SLC27A2: variants seen among roughly 807,000 people sequenced by gnomAD.
SLC27A2 encodes the protein solute carrier family 27 member 2.
A neutral mutation model predicts 60.0 loss-of-function variants in SLC27A2; 54 were observed. That is an observed-to-expected ratio of 0.90 (90% CI 0.72 to 1.13). SLC27A2 has a LOEUF of 1.13. Among genes scored for constraint, SLC27A2 ranks in the 50% most tolerant of loss-of-function variants. SLC27A2 has a pLI of 0.00. For missense variants in SLC27A2, 739 were observed against 777.6 expected (o/e 0.95, Z 0.59); for synonymous variants, 297 against 297.6 (o/e 1.00, Z 0.02).
chr15:50,202,356 AAC>A, intron 2 of SLC27A2, 129 bp from the exon 3 acceptor site: 1 of 842,862 alleles, frequency 1.2e-6, no homozygotes, highest in Non-Finnish European at 1.9e-6. Flanking sequence ...CTCCTGGACT[AAC>A]TGGTCATGGC....
intron 3 of SLC27A2, among the ~76,000 whole-genome samples, chr15:50,204,817 T>C (rs913203453): frequency 2.7e-5 from 4 of 148,292 alleles, no homozygotes; most frequent in African/African-American, 9.9e-5. Flanking sequence ...TGTGTATATA[T>C]ATAATATATA....
intron 4 of SLC27A2, among the ~76,000 whole-genome samples, chr15:50,222,346 G>A (rs1172113810): frequency 6.6e-6 from 1 of 152,182 alleles, no homozygotes; most frequent in Admixed American, 6.5e-5. Flanking sequence ...GCAGGGCATG[G>A]TCAAGACTCT....
chr15:50,200,963 A>G (rs1399845250), intron 2 of SLC27A2, among the ~76,000 whole-genome samples: 2 of 152,190 alleles, frequency 1.3e-5, no homozygotes, highest in East Asian at 1.9e-4. Flanking sequence ...ATAACTGGCA[A>G]TGTGGAAGTT....
At chr15:50,218,427 C>T (rs1267422312) in intron 4 of SLC27A2, among the ~76,000 whole-genome samples, 1 of 151,966 alleles carries the variant, frequency 6.6e-6, no homozygotes, top group Admixed American at 6.5e-5. Flanking sequence ...TACAGGAAAA[C>T]ATCCGAGGGC....
chr15:50,228,156 T>C (rs974673901), intron 7 of SLC27A2, among the ~76,000 whole-genome samples: 12 of 152,184 alleles, frequency 7.9e-5, no homozygotes, highest in African/African-American at 2.6e-4. Context: ...GGCGGGTGGA[T>C]CACCTGAGGT....
chr15:50,182,795 G>T lies in SLC27A2; in HGVS notation c.368G>T (p.Gly123Val). 1 of 1,613,756 alleles carries T rather than the reference G, an allele frequency of 6.2e-7. No individual in the cohort carries two copies. Among genetic ancestry groups the T allele is most frequent in the Non-Finnish European group, 8.5e-7 (1 of 1,179,974 alleles). Reference sequence around the variant, plus strand: ...CCGGCCTACGTGTGGCTGTGGCTGGGGCTGGTGAAGCTGGGCTGTGCCATG... The same window carrying T: ...CCGGCCTACGTGTGGCTGTGGCTGGTGCTGGTGAAGCTGGGCTGTGCCATG... Reference protein sequence around the residue: ...NEPAYVWLWLGLVKLGCAMAC... With the variant: ...NEPAYVWLWLVLVKLGCAMAC... The change falls in exon 1 of 10, where the codon GGG becomes GTG. Residue 123 changes from glycine (G) to valine (V), a missense_variant. Coordinates refer to ENST00000267842, the MANE Select transcript of SLC27A2 (RefSeq NM_003645.4).
At position 50,182,901 on chromosome 15, in the gene SLC27A2, G is replaced by T. The variant is rs780748358; in HGVS notation, c.474G>T (p.Ser158=). The T allele has an allele frequency of 3.1e-6, 5 of 1,602,418 alleles. No homozygotes were observed. The highest frequency in any genetic ancestry group is 2.2e-5 in the East Asian group (1 of 44,804). The change falls in exon 1 of 10, where the codon TCG becomes TCT. Residue 158 remains serine, a synonymous_variant. Coordinates refer to ENST00000267842, the MANE Select transcript of SLC27A2 (RefSeq NM_003645.4). ...QCCGAKVLLV[S]PELQAAVEEI... Reference sequence around the variant, plus strand: ...GCGGGGCGAAGGTGCTGCTGGTGTCGCCAGGTGAGCCCCGAGGATCGCCCT... The same window carrying T: ...GCGGGGCGAAGGTGCTGCTGGTGTCTCCAGGTGAGCCCCGAGGATCGCCCT...
At chr15:50,222,422 C>G (rs1027889305) in intron 4 of SLC27A2, among the ~76,000 whole-genome samples, 1 of 152,222 alleles carries the variant, frequency 6.6e-6, no homozygotes, top group Non-Finnish European at 1.5e-5. Context: ...GGCTTTCTCT[C>G]TCTCTCTGTC....
At chr15:50,205,954 G>A (rs1055768603) in intron 4 of SLC27A2, among the ~76,000 whole-genome samples, 19 of 152,088 alleles carry the variant, frequency 1.2e-4, no homozygotes, top group Non-Finnish European at 2.9e-5. Context: ...CTGTCACCAA[G>A]CTGGGAACAG....
intron 4 of SLC27A2, among the ~76,000 whole-genome samples, chr15:50,211,177 CA>C (rs1267564402): frequency 6.6e-6 from 1 of 152,198 alleles, no homozygotes; most frequent in African/African-American, 2.4e-5. Flanking sequence ...AGGAGGCCAA[CA>C]GCACAAAACA....
At chr15:50,227,719 C>A (rs947699704) in intron 7 of SLC27A2, among the ~76,000 whole-genome samples, 1 of 152,294 alleles carries the variant, frequency 6.6e-6, no homozygotes, top group Admixed American at 6.5e-5. Flanking sequence ...GTCCTCCAGC[C>A]TCATGACACA....
At position 50,186,350 on chromosome 15, in the gene SLC27A2, C is replaced by T. The variant is rs150928814; in HGVS notation, c.478+3445C>T. Among the ~76,000 whole-genome samples, 3 of 152,166 alleles carry T rather than the reference C, an allele frequency of 2.0e-5. No individual in the cohort carries two copies. In the South Asian group the frequency reaches 6.2e-4, roughly 31 times the overall value. ...TTTTATAAGAAACCCCACCGCCAAC[C>T]CTAGGTGATTTTGAAACAAATGGTC... is the stretch of plus-strand genomic sequence containing the variant. On this transcript the variant is annotated intron_variant, in intron 1 of 9. Transcript: ENST00000267842.
intron 4 of SLC27A2, among the ~76,000 whole-genome samples, chr15:50,219,510 A>G (rs2045228429): frequency 6.7e-6 from 1 of 149,270 alleles, no homozygotes; most frequent in Admixed American, 6.7e-5. Flanking sequence ...ACGCCCTCTC[A>G]AGTGCAGGGC....
chr15:50,194,191 G>A (rs1046611125), intron 1 of SLC27A2, among the ~76,000 whole-genome samples: 1 of 152,046 alleles, frequency 6.6e-6, no homozygotes, highest in African/African-American at 2.4e-5. Flanking sequence ...GTGTATAAGC[G>A]CCCTGATAAT....
intron 2 of SLC27A2, 137 bp from the exon 3 acceptor site, chr15:50,202,350 T>C: frequency 2.5e-6 from 2 of 794,364 alleles, no homozygotes; most frequent in Non-Finnish European, 4.1e-6. Flanking sequence ...TGTCAACTCC[T>C]GGACTAACTG....
At chr15:50,206,944 G>C (rs1448669721) in intron 4 of SLC27A2, among the ~76,000 whole-genome samples, 1 of 152,144 alleles carries the variant, frequency 6.6e-6, no homozygotes, top group Admixed American at 6.5e-5. Flanking sequence ...TTGGGTTAGG[G>C]TATTTTCCAC....
chr15:50,198,048 C>T (rs1334329929), intron 2 of SLC27A2, among the ~76,000 whole-genome samples: 1 of 151,916 alleles, frequency 6.6e-6, no homozygotes, highest in African/African-American at 2.4e-5. Flanking sequence ...ATCCAGAGTC[C>T]ATATAGACTG....
chr15:50,188,531 C>T (rs929203511), intron 1 of SLC27A2, among the ~76,000 whole-genome samples: 5 of 152,194 alleles, frequency 3.3e-5, no homozygotes, highest in Admixed American at 6.5e-5. Context: ...ACACTCTTCC[C>T]AACTCTTTGG....
rs1173840667 is a variant in SLC27A2 at position 50,182,536 on chromosome 15, G to T, written c.109G>T (p.Ala37Ser). 9 of 1,612,510 alleles carry T rather than the reference G, an allele frequency of 5.6e-6. No individual in the cohort carries two copies. Among genetic ancestry groups the T allele is most frequent in the Non-Finnish European group, 7.6e-6 (9 of 1,179,330 alleles). The change falls in exon 1 of 10, where the codon GCC becomes TCC. Residue 37 changes from alanine to serine, a missense_variant. Coordinates refer to ENST00000267842, the MANE Select transcript of SLC27A2 (RefSeq NM_003645.4). The stretch of plus-strand genomic sequence containing the variant: ...GGACATAGGCTACTTCTTGAAGGTG[G>T]CCGCCGTGGGCCGGAGGGTGCGCAG... Reference protein sequence around the residue: ...FQDIGYFLKVAAVGRRVRSYG... With the variant: ...FQDIGYFLKVSAVGRRVRSYG...
Sources: allele counts gnomAD v4.1 joint callset (sites outside exome capture counted in the v4.1 genomes callset), GRCh38; gene constraint gnomAD v4.1.1; transcripts MANE v1.5; gene names NCBI Gene and HGNC (gene_info 2026-07-23, HGNC 2026-07-21).